Variants in SLC2A9 observed in about 807,000 individuals in gnomAD.
The protein encoded by SLC2A9 is solute carrier family 2 member 9, also known as solute carrier family 2, facilitated glucose transporter member 9.
In SLC2A9, 39 loss-of-function variants were observed where a neutral mutation model predicts 50.6. The ratio of observed to expected loss-of-function variants is 0.77; its 90% CI spans 0.60 to 1.01. The LOEUF is 1.01. Ranked by LOEUF, SLC2A9 falls within the 50% of genes least tolerant of loss-of-function variation. The pLI is 0.00. For synonymous variants in SLC2A9, 324 were observed against 276.9 expected (o/e 1.17, Z -1.69); for missense variants, 686 against 677.6 (o/e 1.01, Z -0.14).
chr4:9,969,818 T>C (rs1242776261), intron 5 of SLC2A9, among the ~76,000 whole-genome samples: 2 of 152,212 alleles, frequency 1.3e-5, no homozygotes, highest in African/African-American at 2.4e-5. Context: ...ACCCCCATGA[T>C]TCAATTATTT....
chr4:9,797,717 T>C (rs1577311856), downstream of SLC2A9, among the ~76,000 whole-genome samples: 1 of 152,190 alleles, frequency 6.6e-6, no homozygotes, highest in Admixed American at 6.5e-5. Flanking sequence ...CTTCTCTGAT[T>C]CCCTAGCCAC....
At chr4:9,987,258 T>A (rs182410352) in intron 3 of SLC2A9, among the ~76,000 whole-genome samples, 2 of 152,310 alleles carry the variant, frequency 1.3e-5, no homozygotes, top group African/African-American at 4.8e-5. Flanking sequence ...TAGCTGGGAT[T>A]ACAGGCATGC....
chr4:9,881,481 A>G (rs1735199650), intron 10 of SLC2A9, among the ~76,000 whole-genome samples: 1 of 152,200 alleles, frequency 6.6e-6, no homozygotes, highest in African/African-American at 2.4e-5. Flanking sequence ...GCCCTCTCCC[A>G]AGTTCCAAAT....
chr4:9,930,606 C>T (rs986577008), intron 6 of SLC2A9, among the ~76,000 whole-genome samples: 2 of 152,184 alleles, frequency 1.3e-5, no homozygotes, highest in Non-Finnish European at 2.9e-5. Context: ...CAGAGGTGCT[C>T]ACAGCATGCT....
chr4:10,031,093 G>C (rs1763929853), intron 1 of SLC2A9, among the ~76,000 whole-genome samples: 1 of 152,232 alleles, frequency 6.6e-6, no homozygotes, highest in African/African-American at 2.4e-5. Context: ...TGTAATATCA[G>C]CTAAGCAGAG....
At chr4:9,970,863 T>C (rs542106627) in intron 5 of SLC2A9, among the ~76,000 whole-genome samples, 34 of 152,280 alleles carry the variant, frequency 2.2e-4, no homozygotes, top group African/African-American at 7.2e-4. Flanking sequence ...AACCTAGTAG[T>C]TAAAATTCCA....
Position 9,873,081 on chromosome 4 carries a change from T to G in SLC2A9, c.1291+14486A>C, listed in dbSNP as rs141354936. ...AGCCTTTTTGCACCATAGCAATTTGTGTCCTTATTGAACATTCCTCAGAAT... is the reference window on the plus strand; with the variant it reads ...AGCCTTTTTGCACCATAGCAATTTGGGTCCTTATTGAACATTCCTCAGAAT... On this transcript the variant is annotated intron_variant, in intron 10 of 11. Coordinates refer to ENST00000264784, the MANE Select transcript of SLC2A9 (RefSeq NM_020041.3). Among the ~76,000 whole-genome samples, 85 of 152,348 alleles carry G rather than the reference T, an allele frequency of 5.6e-4. No homozygotes were observed. In the East Asian group the frequency reaches 8.9e-3, roughly 16 times the overall value.
chr4:9,814,062 C>T (rs919535438), intron 3 of SLC2A9, among the ~76,000 whole-genome samples: 2 of 152,174 alleles, frequency 1.3e-5, no homozygotes, highest in Admixed American at 6.5e-5. Flanking sequence ...ATCGCTTGAA[C>T]CTGAGAGGCG....
chr4:9,841,898 C>T (rs542439733), intron 10 of SLC2A9, among the ~76,000 whole-genome samples: 2 of 152,264 alleles, frequency 1.3e-5, no homozygotes, highest in African/African-American at 2.4e-5. Context: ...GCTGACTCAC[C>T]TGCTCACTCT....
chr4:9,996,596 A>T (rs555217787), intron 3 of SLC2A9, among the ~76,000 whole-genome samples, 185 bp downstream of exon 3: 1 of 134,480 alleles, frequency 7.4e-6, no homozygotes, highest in East Asian at 2.2e-4. Flanking sequence ...ATCAGCCTGC[A>T]GTCCATGGCT....
intron 8 of SLC2A9, among the ~76,000 whole-genome samples, chr4:9,897,531 G>A (rs998991851): frequency 1.1e-4 from 17 of 151,546 alleles, no homozygotes; most frequent in African/African-American, 4.2e-4. Flanking sequence ...CAGTTAAAAT[G>A]ACATCATTTG....
At chr4:10,024,153 A>G (rs1304373417), upstream of SLC2A9, among the ~76,000 whole-genome samples, 3 of 151,288 alleles carry the variant, frequency 2.0e-5, no homozygotes, top group South Asian at 2.1e-4. Context: ...AGCCTCCCCA[A>G]CCTCTCGCTG....
At chr4:9,914,738 A>T (rs1742536514) in intron 7 of SLC2A9, among the ~76,000 whole-genome samples, 1 of 150,758 alleles carries the variant, frequency 6.6e-6, no homozygotes, top group African/African-American at 2.4e-5. Context: ...GATTTCAACC[A>T]CCCCGGCCTT....
At chr4:9,821,829 T>C (rs574398505), downstream of SLC2A9, among the ~76,000 whole-genome samples, 8 of 152,340 alleles carry the variant, frequency 5.3e-5, no homozygotes, top group South Asian at 1.7e-3. Flanking sequence ...CCTCAGTATT[T>C]GGTAGAATTT....
chr4:9,908,951 C>G (rs1002184638), intron 7 of SLC2A9, among the ~76,000 whole-genome samples: 14 of 152,098 alleles, frequency 9.2e-5, no homozygotes, highest in Non-Finnish European at 1.5e-5. Flanking sequence ...TGGCTGGAGC[C>G]TCAGCAGCCT....
chr4:9,862,498 T>C (rs1731813118), intron 10 of SLC2A9, among the ~76,000 whole-genome samples: 1 of 152,080 alleles, frequency 6.6e-6, no homozygotes, highest in South Asian at 2.1e-4. Context: ...TGTGTTAGTC[T>C]GTCTTTTGTT....
chr4:9,938,238 G>A (rs1362839929), intron 6 of SLC2A9, among the ~76,000 whole-genome samples: 2 of 149,620 alleles, frequency 1.3e-5, no homozygotes, highest in African/African-American at 4.9e-5. Flanking sequence ...AATTTTCTGT[G>A]TCTCCAACCC....
intron 2 of SLC2A9, among the ~76,000 whole-genome samples, chr4:10,010,657 T>C (rs1761611655): frequency 6.6e-6 from 1 of 152,102 alleles, no homozygotes; most frequent in Non-Finnish European, 1.5e-5. Context: ...ATCTGTACAA[T>C]CCTGACTGCT....
chr4:9,835,235 G>A (rs1246158510), intron 10 of SLC2A9, among the ~76,000 whole-genome samples: 2 of 152,094 alleles, frequency 1.3e-5, no homozygotes, highest in Admixed American at 6.6e-5. Flanking sequence ...TTTACTTTCT[G>A]ATGCCAGGAG....
Sources: allele counts gnomAD v4.1 joint callset (sites outside exome capture counted in the v4.1 genomes callset), GRCh38; gene constraint gnomAD v4.1.1; transcripts MANE v1.5; gene names NCBI Gene and HGNC (gene_info 2026-07-23, HGNC 2026-07-21).